Variants in NEDD4 observed in about 807,000 individuals in gnomAD.
NEDD4 encodes the protein E3 ubiquitin-protein ligase NEDD4.
In NEDD4, 99 loss-of-function variants were observed where a neutral mutation model predicts 144.9. The observed-to-expected ratio is 0.68, with a 90% CI of 0.58 to 0.81. The LOEUF (loss-of-function observed/expected upper bound fraction) is 0.81. NEDD4 is among the 30% of genes least tolerant of loss of function. The probability of loss-of-function intolerance (pLI) is 0.00; values close to 1 mark genes in which losing one functional copy is unlikely to be tolerated. For synonymous variants in NEDD4, 318 were observed against 350.6 expected, an observed-to-expected ratio of 0.91 and a Z score of 1.04; for missense variants, 985 against 1,065.9, an observed-to-expected ratio of 0.92 and a Z score of 1.06.
Position 55,828,624 on chromosome 15 carries a change from T to C in NEDD4, c.*1273A>G, listed in dbSNP as rs2032798935. On this transcript the variant is annotated 3_prime_UTR_variant, in exon 29 of 29. Transcript: ENST00000435532. Reference sequence around the variant, plus strand: ...AGCTGACAACTCTTACCCCAGAGCATAGCACAGCGCTAGGCACGCAGCATT... The same window carrying C: ...AGCTGACAACTCTTACCCCAGAGCACAGCACAGCGCTAGGCACGCAGCATT... The C allele has an allele frequency of 2.0e-5, 3 of 152,576 alleles. No homozygotes were observed. The highest frequency in any genetic ancestry group is 2.1e-4 in the South Asian group (1 of 4,832). The allele number at this position is 152,576 out of a possible 1,614,324, so 9.5% of individuals were successfully genotyped here.
In NEDD4 at chr15:55,828,434, G is replaced by C. The variant is rs2032791124; in HGVS notation, c.*1463C>G. 6.6e-6 allele frequency: 1 copy of C among 152,152 alleles called. No individual in the cohort carries two copies. Among genetic ancestry groups the C allele is most frequent in the Non-Finnish European group, 1.5e-5 (1 of 68,034 alleles). The allele number at this position is 152,152 out of a possible 1,614,324, so 9.4% of individuals were successfully genotyped here. On this transcript the variant is annotated 3_prime_UTR_variant, in exon 29 of 29. Transcript: ENST00000435532. ...CCAATATAAGGATGAAACAATATAA[G>C]TATGAAATATAAATACAGTCTTGGC...
chr15:55,916,866 G>A (rs1402464903), intron 5 of NEDD4: 7 of 1,551,762 alleles, frequency 4.5e-6, no homozygotes, highest in Non-Finnish European at 6.1e-6. Context: ...AGGGCTGAAA[G>A]TCATAACAAA....
chr15:55,854,045 G>A (rs1227510884), intron 12 of NEDD4, among the ~76,000 whole-genome samples: 1 of 152,064 alleles, frequency 6.6e-6, no homozygotes, highest in East Asian at 1.9e-4. Context: ...CAGCTACTCG[G>A]GAGGCTGAAG....
intron 5 of NEDD4, among the ~76,000 whole-genome samples, chr15:55,900,035 C>T (rs1321573164): frequency 7.2e-5 from 11 of 151,770 alleles, no homozygotes; most frequent in Non-Finnish European, 1.6e-4. Context: ...GAATGATGCC[C>T]CACACCACAC....
At chr15:55,966,786 T>C (rs1244148285) in intron 1 of NEDD4, among the ~76,000 whole-genome samples, 1 of 152,252 alleles carries the variant, frequency 6.6e-6, no homozygotes, top group Non-Finnish European at 1.5e-5. Flanking sequence ...AATAAGAATT[T>C]ATCGCTGCGC....
At position 55,982,061 on chromosome 15, in the gene NEDD4, C is replaced by A. The variant is rs567738349; in HGVS notation, c.45+11450G>T. Among the ~76,000 whole-genome samples, 19 of 152,166 alleles carry A rather than the reference C, an allele frequency of 1.2e-4. No homozygotes were observed. The East Asian group carries it at 3.5e-3, about 28-fold the overall frequency. The stretch of plus-strand genomic sequence containing the variant: ...GGAAGGATACAGATGGAGCTGATAA[C>A]CTAGGTTACTAGAGAAGGCTGGGAG... On this transcript the variant is annotated intron_variant, in intron 1 of 28. Transcript: ENST00000435532.
At chr15:55,982,465 G>A (rs1595888723) in intron 1 of NEDD4, among the ~76,000 whole-genome samples, 1 of 151,948 alleles carries the variant, frequency 6.6e-6, no homozygotes, top group Non-Finnish European at 1.5e-5. Flanking sequence ...CCCCATGGAT[G>A]ACTCTCAAAA....
At chr15:55,937,842 C>T (rs1445030567) in intron 4 of NEDD4, among the ~76,000 whole-genome samples, 4 of 152,128 alleles carry the variant, frequency 2.6e-5, no homozygotes, top group African/African-American at 9.7e-5. Context: ...TCATACAGAA[C>T]TACAAAAGAC....
At chr15:55,833,475 A>G (rs1292685324) in intron 26 of NEDD4, among the ~76,000 whole-genome samples, 2 of 151,952 alleles carry the variant, frequency 1.3e-5, no homozygotes, top group Non-Finnish European at 2.9e-5. Flanking sequence ...CTGGCCAACA[A>G]GGTGAAACCC....
intron 5 of NEDD4, among the ~76,000 whole-genome samples, chr15:55,889,903 G>C (rs1228849126): frequency 2.0e-5 from 3 of 151,878 alleles, no homozygotes; most frequent in Non-Finnish European, 2.9e-5. Flanking sequence ...GGGTTTCACT[G>C]TGTTGCCCAG....
chr15:55,845,974 C>T (rs571143215), intron 18 of NEDD4, among the ~76,000 whole-genome samples: 1 of 151,560 alleles, frequency 6.6e-6, no homozygotes, highest in East Asian at 1.9e-4. Flanking sequence ...TTAGTAGAGA[C>T]GGGGGTTTCA....
intron 5 of NEDD4, among the ~76,000 whole-genome samples, chr15:55,892,355 A>G (rs2035599473): frequency 6.6e-6 from 1 of 151,536 alleles, no homozygotes; most frequent in African/African-American, 2.4e-5. Context: ...TTTCCAGGGC[A>G]AATCTACTGT....
intron 5 of NEDD4, among the ~76,000 whole-genome samples, chr15:55,924,014 C>G (rs1216630844): frequency 6.6e-6 from 1 of 152,014 alleles, no homozygotes; most frequent in Non-Finnish European, 1.5e-5. Flanking sequence ...AGATTGGATC[C>G]TCAGAGACAA....
At chr15:55,837,660 AT>A (rs1224333989) in intron 24 of NEDD4, 128 bp downstream of exon 24, 3 of 565,534 alleles carry the variant, frequency 5.3e-6, no homozygotes, top group Non-Finnish European at 9.2e-6. Flanking sequence ...TAATATAAAA[AT>A]ATAATTTAGA....
chr15:55,882,277 A>G (rs753659942), intron 5 of NEDD4, among the ~76,000 whole-genome samples: 17 of 152,320 alleles, frequency 1.1e-4, no homozygotes, highest in Non-Finnish European at 1.5e-4. Flanking sequence ...TGAAGAGGGT[A>G]GGAAAGACAG....
At chr15:55,917,970 G>A (rs4774833) in intron 5 of NEDD4, among the ~76,000 whole-genome samples, 39,468 of 152,048 alleles carry the variant, frequency 0.26, 5,398 homozygotes, top group Admixed American at 0.31. Flanking sequence ...AAATAAACAT[G>A]TCTCAATGCC....
intron 1 of NEDD4, among the ~76,000 whole-genome samples, chr15:55,975,629 C>CA (rs58557698): frequency 1.5e-4 from 22 of 143,162 alleles, no homozygotes; most frequent in African/African-American, 3.3e-4. Context: ...AAGACGACAC[C>CA]AAAAAAAAAA....
intron 4 of NEDD4, among the ~76,000 whole-genome samples, chr15:55,941,739 T>C (rs1394302598): frequency 6.6e-6 from 1 of 152,088 alleles, no homozygotes; most frequent in African/African-American, 2.4e-5. Flanking sequence ...ACTTTTTGTA[T>C]ACTTTTTTTC....
At chr15:55,944,085 T>C (rs1595865215) in intron 4 of NEDD4, among the ~76,000 whole-genome samples, 1 of 152,112 alleles carries the variant, frequency 6.6e-6, no homozygotes, top group East Asian at 1.9e-4. Context: ...AGAAGACGGG[T>C]GATTTCTACA....
Sources: allele counts gnomAD v4.1 joint callset (sites outside exome capture counted in the v4.1 genomes callset), GRCh38; gene constraint gnomAD v4.1.1; transcripts MANE v1.5; gene names NCBI Gene and HGNC (gene_info 2026-07-23, HGNC 2026-07-21).